HHAT: variants seen among roughly 807,000 people sequenced by gnomAD.
The protein encoded by HHAT is protein-cysteine N-palmitoyltransferase HHAT.
A neutral mutation model predicts 70.8 loss-of-function variants in HHAT; 47 were observed. That is an observed-to-expected ratio of 0.66 (90% CI 0.53 to 0.85). HHAT has a LOEUF of 0.85. HHAT is among the 40% of genes least tolerant of loss of function. HHAT has a pLI of 0.00. For missense variants in HHAT, 609 were observed against 604.8 expected (o/e 1.01, Z -0.07); for synonymous variants, 228 against 247.6 (o/e 0.92, Z 0.74).
chr1:210,369,268 C>T (rs1380981514), intron 3 of HHAT, among the ~76,000 whole-genome samples: 2 of 152,106 alleles, frequency 1.3e-5, no homozygotes, highest in African/African-American at 4.8e-5. Flanking sequence ...TTTCCCATGA[C>T]AGGTTTCTGA....
chr1:210,634,144 C>A lies in HHAT; in HGVS notation c.1390+10474C>A, dbSNP rs188693212. 7.9e-5 allele frequency among the ~76,000 whole-genome samples: 12 copies of A among 152,276 alleles called. No individual in the cohort carries two copies. The East Asian group carries it at 2.3e-3, about 29-fold the overall frequency. On this transcript the variant is annotated intron_variant, in intron 11 of 11. Transcript: ENST00000261458. ...AATCTCCTGGGGCCAGGGGCAATGTCTAAGAGAGTTTACTTGTAACCTGTG... is the reference window on the plus strand; with the variant it reads ...AATCTCCTGGGGCCAGGGGCAATGTATAAGAGAGTTTACTTGTAACCTGTG...
chr1:210,596,096 G>T (rs867968829), intron 10 of HHAT, among the ~76,000 whole-genome samples: 3 of 152,140 alleles, frequency 2.0e-5, no homozygotes, highest in Admixed American at 6.6e-5. Context: ...GGTTTTTATG[G>T]TTTTAGATCT....
At chr1:210,362,963 T>C in intron 3 of HHAT, 44 bp downstream of exon 3, 1 of 1,404,602 alleles carries the variant, frequency 7.1e-7, no homozygotes, top group Non-Finnish European at 1.0e-6. Context: ...CAAACCTGAT[T>C]TCAATATTTC....
chr1:210,493,584 G>A (rs940041325), intron 8 of HHAT, among the ~76,000 whole-genome samples: 2 of 152,174 alleles, frequency 1.3e-5, no homozygotes, highest in Non-Finnish European at 2.9e-5. Flanking sequence ...CCATAGACTA[G>A]ACTAGTTGAC....
intron 9 of HHAT, among the ~76,000 whole-genome samples, chr1:210,523,058 C>G (rs1162588910): frequency 1.3e-5 from 2 of 152,088 alleles, no homozygotes; most frequent in African/African-American, 4.8e-5. Context: ...TTCCCAGTCC[C>G]CTCACCTTTC....
chr1:210,524,245 T>G (rs574681302), intron 9 of HHAT, among the ~76,000 whole-genome samples: 5 of 152,316 alleles, frequency 3.3e-5, no homozygotes, highest in African/African-American at 1.2e-4. Context: ...ATTAAGTGTT[T>G]CTACAATAAA....
chr1:210,663,101 TG>T (rs952761675), intron 11 of HHAT, among the ~76,000 whole-genome samples: 10 of 152,092 alleles, frequency 6.6e-5, no homozygotes, highest in Admixed American at 5.9e-4. Context: ...ATGCAGGCAC[TG>T]GGAACATGCT....
intron 8 of HHAT, among the ~76,000 whole-genome samples, chr1:210,489,242 C>A (rs2094516452): frequency 6.6e-6 from 1 of 152,114 alleles, no homozygotes; most frequent in African/African-American, 2.4e-5. Context: ...GTAAATAGTT[C>A]TCTGCTGTCC....
chr1:210,334,785 C>A (rs1020257664), intron 1 of HHAT, among the ~76,000 whole-genome samples: 9 of 151,634 alleles, frequency 5.9e-5, no homozygotes, highest in African/African-American at 2.2e-4. Context: ...ACATATCCCA[C>A]AGACAGAAGC....
At position 210,391,071 on chromosome 1, in the gene HHAT, C is replaced by T. The variant is rs148757918; in HGVS notation, c.273+3490C>T. On this transcript the variant is annotated intron_variant, in intron 4 of 11. Transcript: ENST00000261458. ...TTTACTTTTAGTTCCTTAAGGAATT[C>T]CTATACTGTTTTCTATAGTGGTTGT... Among the ~76,000 whole-genome samples, 1,245 of 152,248 alleles carry T rather than the reference C, an allele frequency of 8.2e-3. 10 individuals carry two copies. The highest frequency in any genetic ancestry group is 0.024 in the Middle Eastern group (7 of 294).
chr1:210,641,673 G>A (rs12745898), intron 11 of HHAT, among the ~76,000 whole-genome samples: 14,873 of 152,236 alleles, frequency 0.098, 836 homozygotes, highest in Middle Eastern at 0.14. Context: ...TTTGTCCTCA[G>A]GAAATTCTAA....
intron 11 of HHAT, among the ~76,000 whole-genome samples, chr1:210,663,186 G>C (rs1343457231): frequency 6.6e-6 from 1 of 152,172 alleles, no homozygotes; most frequent in African/African-American, 2.4e-5. Context: ...TGCTTTCTCT[G>C]TCTCCCACCA....
At chr1:210,446,357 A>G (rs1035698502) in intron 7 of HHAT, among the ~76,000 whole-genome samples, 3 of 152,196 alleles carry the variant, frequency 2.0e-5, no homozygotes, top group African/African-American at 7.2e-5. Flanking sequence ...CTTCCTGTTT[A>G]TGGAAAAAAT....
At chr1:210,516,158 C>A (rs547967377) in intron 9 of HHAT, among the ~76,000 whole-genome samples, 1 of 152,248 alleles carries the variant, frequency 6.6e-6, no homozygotes, top group East Asian at 1.9e-4. Flanking sequence ...TATGACTGGA[C>A]ACCTTAGTAA....
chr1:210,616,802 T>C (rs1007680837), intron 10 of HHAT, among the ~76,000 whole-genome samples: 1 of 152,364 alleles, frequency 6.6e-6, no homozygotes, highest in Non-Finnish European at 1.5e-5. Flanking sequence ...CTCTCTGCTC[T>C]TCTAGTTCTT....
At chr1:210,385,788 C>G (rs187211658) in intron 3 of HHAT, among the ~76,000 whole-genome samples, 1 of 152,266 alleles carries the variant, frequency 6.6e-6, no homozygotes, top group African/African-American at 2.4e-5. Context: ...CAGTTAGTAG[C>G]GGGTACTGCT....
chr1:210,653,589 A>G (rs1675653730), intron 11 of HHAT, among the ~76,000 whole-genome samples: 1 of 152,042 alleles, frequency 6.6e-6, no homozygotes, highest in Non-Finnish European at 1.5e-5. Flanking sequence ...TACATACAAT[A>G]TTTGTGGGAG....
chr1:210,340,589 T>C (rs117521249), intron 1 of HHAT, among the ~76,000 whole-genome samples: 2 of 152,370 alleles, frequency 1.3e-5, no homozygotes, highest in East Asian at 1.9e-4. Flanking sequence ...ACTGCTGACT[T>C]TCCCCTCTTA....
chr1:210,340,242 G>GAAAAAAAA (rs57007952), intron 1 of HHAT, among the ~76,000 whole-genome samples: 1 of 99,782 alleles, frequency 1.0e-5, no homozygotes, highest in Non-Finnish European at 2.1e-5. Context: ...CTCTGTCTCA[G>GAAAAAAAA]AAAAAAAAAA....
Sources: allele counts gnomAD v4.1 joint callset (sites outside exome capture counted in the v4.1 genomes callset), GRCh38; gene constraint gnomAD v4.1.1; transcripts MANE v1.5; gene names NCBI Gene and HGNC (gene_info 2026-07-23, HGNC 2026-07-21).